Variants in BRSK2 observed in about 807,000 individuals in gnomAD.
BRSK2 encodes the protein BR serine/threonine kinase 2.
Under a neutral mutation model 83.3 loss-of-function variants are expected in BRSK2, and 19 were observed. The ratio of observed to expected loss-of-function variants is 0.23; its 90% confidence interval spans 0.16 to 0.33. The LOEUF (loss-of-function observed/expected upper bound fraction) is 0.33. BRSK2 is among the 10% of genes least tolerant of loss of function. The pLI, the probability that BRSK2 is intolerant of heterozygous loss-of-function variation, is 1.00. For synonymous variants in BRSK2, 519 were observed against 435.4 expected (o/e 1.19, Z -2.39); for missense variants, 798 against 1,042.3 (o/e 0.77, Z 3.23).
intron 1 of BRSK2, among the ~76,000 whole-genome samples, chr11:1,414,372 C>T (rs957304949): frequency 3.9e-5 from 6 of 152,160 alleles, no homozygotes; most frequent in African/African-American, 1.2e-4. Context: ...GATCTCAGGG[C>T]GCTAGGAACT....
chr11:1,429,436 C>G (rs1340319587), intron 1 of BRSK2, among the ~76,000 whole-genome samples: 1 of 147,630 alleles, frequency 6.8e-6, no homozygotes, highest in East Asian at 2.0e-4. Context: ...ATGCACACAC[C>G]TAGGGGTGTA....
At position 1,454,027 on chromosome 11, in the gene BRSK2, C is replaced by T. The variant is rs1421792296; in HGVS notation, c.1545-458C>T. ...CTGCCAGCAAGACAGGAGTAGCCTT[C>T]TGTGGCCTCAGAAGCGCCTCCCCAC... is the stretch of plus-strand genomic sequence containing the variant. On this transcript the variant is annotated intron_variant, in intron 15 of 19. Coordinates refer to ENST00000528841, the MANE Select transcript of BRSK2 (RefSeq NM_001256627.2). This position sits in a 1 kb window ranked among gnomAD's most constrained non-coding sequence, Gnocchi z 5.2. 6.4e-6 allele frequency: 1 copy of T among 156,874 alleles called. No homozygotes were observed. Among genetic ancestry groups the T allele is most frequent in the African/African-American group, 2.4e-5 (1 of 41,532 alleles). The allele number at this position is 156,874 out of a possible 1,614,324, so 9.7% of individuals were successfully genotyped here. A position where few individuals can be genotyped will look rare whatever the true frequency, so the allele number is the denominator to read the frequency against.
chr11:1,394,865 G>A (rs556953872), intron 1 of BRSK2, among the ~76,000 whole-genome samples: 16 of 116,724 alleles, frequency 1.4e-4, no homozygotes, highest in African/African-American at 4.7e-4. Context: ...CCCTGGAGAT[G>A]GGCCATGGAG....
At chr11:1,410,657 C>T in intron 1 of BRSK2, 1 of 985,470 alleles carries the variant, frequency 1.0e-6, no homozygotes, top group Non-Finnish European at 1.2e-6. Context: ...CCAGGCACAC[C>T]TGTGGCCCTG....
chr11:1,411,192 C>G, intron 1 of BRSK2: 1 of 1,235,078 alleles, frequency 8.1e-7, no homozygotes, highest in Non-Finnish European at 1.0e-6. Flanking sequence ...GTCACTGAGC[C>G]AGCCTTGCTG....
chr11:1,400,884 C>T (rs1846428769), intron 1 of BRSK2, among the ~76,000 whole-genome samples: 1 of 152,232 alleles, frequency 6.6e-6, no homozygotes, highest in South Asian at 2.1e-4. Context: ...GTGCTGGGAC[C>T]CTGTGGCGTC....
intron 12 of BRSK2, among the ~76,000 whole-genome samples, chr11:1,448,104 C>G (rs912495729): frequency 6.6e-6 from 1 of 152,194 alleles, no homozygotes. Context: ...GCTTACAGGG[C>G]CTGGGGCTAG....
intron 1 of BRSK2, among the ~76,000 whole-genome samples, chr11:1,396,600 G>C (rs887984789): frequency 1.6e-4 from 25 of 152,340 alleles, no homozygotes; most frequent in Admixed American, 5.2e-4. Context: ...AGGAGGAGCC[G>C]TCGGGAAGGC....
At chr11:1,411,298 G>A in intron 1 of BRSK2, 2 of 1,329,404 alleles carry the variant, frequency 1.5e-6, no homozygotes, top group Admixed American at 3.7e-5. Context: ...CCCCGCCATG[G>A]CCTGCCCGGG....
intron 1 of BRSK2, among the ~76,000 whole-genome samples, chr11:1,412,019 C>T (rs1223336102): frequency 4.8e-4 from 54 of 112,180 alleles, no homozygotes; most frequent in African/African-American, 1.1e-3. Context: ...GTCTCAGCTG[C>T]GCCGCCCCGT....
Position 1,454,262 on chromosome 11 carries a change from T to G in BRSK2, c.1545-223T>G. 2 of 488,688 alleles carry G rather than the reference T, an allele frequency of 4.1e-6. No individual in the cohort carries two copies. Among genetic ancestry groups the G allele is most frequent in the Non-Finnish European group, 7.4e-6 (2 of 270,904 alleles). The allele number at this position is 488,688 out of a possible 1,614,324, so 30.3% of individuals were successfully genotyped here. ...AGGGCGTTAGGGCTTGGAGAAAGGT[T>G]AGGGTTGGGGTTGGGGTTAGAGCCA... is the stretch of plus-strand genomic sequence containing the variant. On this transcript the variant is annotated intron_variant, in intron 15 of 19. Transcript: ENST00000528841. The surrounding 1 kb of genome is among the most constrained non-coding windows in gnomAD (Gnocchi z 5.2).
At chr11:1,436,318 C>T (rs1440386350) in intron 2 of BRSK2, among the ~76,000 whole-genome samples, 184 bp downstream of exon 2, 1 of 152,060 alleles carries the variant, frequency 6.6e-6, no homozygotes, top group Non-Finnish European at 1.5e-5. Context: ...TCTTGCTCCT[C>T]CCTCCAGCCC....
rs561177688 is a variant in BRSK2, at chr11:1,410,976, G to A, written c.91+20601G>A. 6.3e-5 allele frequency: 62 copies of A among 978,222 alleles called. No individual in the cohort carries two copies. The African/African-American group carries it at 8.7e-4, about 14-fold the overall frequency. The allele number at this position is 978,222 out of a possible 1,614,324, so 60.6% of individuals were successfully genotyped here. A position where few individuals can be genotyped will look rare whatever the true frequency, so the allele number is the denominator to read the frequency against. On this transcript the variant is annotated intron_variant, in intron 1 of 19. Transcript: ENST00000528841. ...GGTGGGGGCTCCAGCCCAGGGCCCC[G>A]CTGAGGGGGGCAGGAGCAGGGGCGG...
intron 1 of BRSK2, among the ~76,000 whole-genome samples, chr11:1,395,595 C>T (rs1590293498): frequency 1.3e-5 from 2 of 152,342 alleles, no homozygotes; most frequent in East Asian, 1.9e-4. Flanking sequence ...GGCCCTTGTC[C>T]TGTCCCCACC....
intron 1 of BRSK2, among the ~76,000 whole-genome samples, chr11:1,402,624 C>T (rs1315719556): frequency 7.0e-6 from 1 of 141,962 alleles, no homozygotes; most frequent in Non-Finnish European, 1.6e-5. Flanking sequence ...GAGCTCCCCA[C>T]ACACAGGAGA....
Position 1,443,194 on chromosome 11 carries a change from A to C in BRSK2, c.564+55A>C, listed in dbSNP as rs992640293. On this transcript the variant is annotated intron_variant, in intron 6 of 19. Transcript: ENST00000528841. ...TGGGGCCCAGGGTGGCGGGGACCTG[A>C]CCCTGGTGGGACCCCAGCCTGCCGC... 4 of 1,527,598 alleles carry C rather than the reference A, an allele frequency of 2.6e-6. No homozygotes were observed. The African/African-American group carries it at 5.5e-5, about 21-fold the overall frequency. 94.6% of individuals were successfully genotyped at this position (1,527,598 alleles called of 1,614,324 possible).
intron 3 of BRSK2, among the ~76,000 whole-genome samples, chr11:1,440,444 T>C (rs1009855070): frequency 3.9e-5 from 6 of 152,094 alleles, no homozygotes; most frequent in Non-Finnish European, 8.8e-5. Context: ...GGCTACCCCA[T>C]GCACCGAGCC....
At position 1,445,310 on chromosome 11, in the gene BRSK2, C is replaced by A; in HGVS notation, c.829C>A (p.Pro277Thr). ...HIWYIGGKNEPEPEQPIPRKV... is the reference protein window; with the variant it reads ...HIWYIGGKNETEPEQPIPRKV... ...TGTCCACAGAGGGGGCAAGAATGAGCCCGAACCAGAGCAGCCCATTCCTCG... is the reference window on the plus strand; with the variant it reads ...TGTCCACAGAGGGGGCAAGAATGAGACCGAACCAGAGCAGCCCATTCCTCG... The change falls in exon 10 of 20, where the codon CCC (proline) becomes ACC (threonine). Residue 277 changes from proline (P) to threonine (T), a missense_variant. Transcript: ENST00000528841. 1 of 1,609,850 alleles carries A rather than the reference C, an allele frequency of 6.2e-7. No individual in the cohort carries two copies. The highest frequency in any genetic ancestry group is 8.5e-7 in the Non-Finnish European group (1 of 1,178,438).
chr11:1,433,459 C>A (rs1353228831), intron 1 of BRSK2, among the ~76,000 whole-genome samples: 2 of 152,266 alleles, frequency 1.3e-5, no homozygotes, highest in Non-Finnish European at 2.9e-5. Flanking sequence ...CCTCCGGCTG[C>A]ATCCTCCCAG....
Sources: allele counts gnomAD v4.1 joint callset (sites outside exome capture counted in the v4.1 genomes callset), GRCh38; gene constraint gnomAD v4.1.1; non-coding constraint Gnocchi (gnomAD v3.1); transcripts MANE v1.5; gene names NCBI Gene and HGNC (gene_info 2026-07-23, HGNC 2026-07-21).